The following THSD7B variants were observed in gnomAD, a reference collection of about 807,000 sequenced individuals.
The protein encoded by THSD7B is thrombospondin type-1 domain-containing protein 7B.
THSD7B carries 138 observed loss-of-function variants against 213.6 expected under a neutral mutation model. The ratio of observed to expected loss-of-function variants is 0.65; its 90% confidence interval spans 0.56 to 0.74. The LOEUF (loss-of-function observed/expected upper bound fraction) is 0.74. THSD7B is among the 30% of genes least tolerant of loss of function. THSD7B has a pLI of 0.00. For missense variants in THSD7B, 1,931 were observed against 1,991.5 expected, an observed-to-expected ratio of 0.97 and a Z score of 0.58; for synonymous variants, 742 against 687.0, an observed-to-expected ratio of 1.08 and a Z score of -1.25.
chr2:136,913,580 T>G (rs751684236), intron 2 of THSD7B, among the ~76,000 whole-genome samples: 1 of 152,208 alleles, frequency 6.6e-6, no homozygotes, highest in Non-Finnish European at 1.5e-5. Context: ...AGGATCCCCA[T>G]GCTGCATGCA....
At chr2:137,216,014 T>C (rs1681234493) in intron 7 of THSD7B, among the ~76,000 whole-genome samples, 1 of 152,156 alleles carries the variant, frequency 6.6e-6, no homozygotes, top group Non-Finnish European at 1.5e-5. Context: ...ATAAAAGGCA[T>C]AATAAATAAG....
chr2:136,855,247 A>G (rs1683159221), intron 1 of THSD7B, among the ~76,000 whole-genome samples: 1 of 151,870 alleles, frequency 6.6e-6, no homozygotes, highest in Non-Finnish European at 1.5e-5. Flanking sequence ...ATTTGAGTGT[A>G]TATATATATA....
chr2:137,308,009 C>T lies in THSD7B; in HGVS notation c.2500+31983C>T, dbSNP rs563579475. Among the ~76,000 whole-genome samples, 4 of 152,016 alleles carry T rather than the reference C, an allele frequency of 2.6e-5. No homozygotes were observed. The South Asian group carries it at 6.3e-4, about 24-fold the overall frequency. On this transcript the variant is annotated intron_variant, in intron 12 of 27. Transcript: ENST00000409968. Reference sequence around the variant, plus strand: ...AATAGGGCAACCATTTTCTACCATGCGAGTCCTTTATCAATCTATCCCGAT... The same window carrying T: ...AATAGGGCAACCATTTTCTACCATGTGAGTCCTTTATCAATCTATCCCGAT...
intron 12 of THSD7B, among the ~76,000 whole-genome samples, chr2:137,375,101 G>A (rs964687091): frequency 1.3e-5 from 2 of 152,090 alleles, no homozygotes; most frequent in Admixed American, 6.6e-5. Flanking sequence ...TGAATCATCC[G>A]GGTGGCCAGT....
intron 5 of THSD7B, among the ~76,000 whole-genome samples, chr2:137,115,870 C>T (rs535665011): frequency 4.9e-4 from 75 of 152,184 alleles, no homozygotes; most frequent in African/African-American, 2.6e-4. Flanking sequence ...TATTTAGAGA[C>T]TGGGAAACTT....
chr2:136,774,142 G>C (rs578209213), intron 1 of THSD7B, among the ~76,000 whole-genome samples: 1 of 152,066 alleles, frequency 6.6e-6, no homozygotes, highest in East Asian at 1.9e-4. Flanking sequence ...ATTTTGATTA[G>C]TTTGTTAGTG....
intron 2 of THSD7B, among the ~76,000 whole-genome samples, chr2:137,018,598 A>T (rs1395798515): frequency 1.3e-5 from 2 of 152,204 alleles, no homozygotes; most frequent in African/African-American, 2.4e-5. Context: ...TACAGAGTAT[A>T]AACTTGCAGG....
At chr2:137,496,793 T>C (rs1679578855) in intron 15 of THSD7B, among the ~76,000 whole-genome samples, 1 of 152,208 alleles carries the variant, frequency 6.6e-6, no homozygotes, top group African/African-American at 2.4e-5. Context: ...TTGTGACTTC[T>C]CATTAACTTT....
At chr2:136,937,424 T>C (rs571384879) in intron 2 of THSD7B, among the ~76,000 whole-genome samples, 1 of 152,236 alleles carries the variant, frequency 6.6e-6, no homozygotes, top group African/African-American at 2.4e-5. Context: ...CGAGGTGAAC[T>C]GATGTGTCTT....
intron 2 of THSD7B, among the ~76,000 whole-genome samples, chr2:136,980,326 C>T (rs542352673): frequency 5.9e-4 from 90 of 152,282 alleles, no homozygotes; most frequent in African/African-American, 2.1e-3. Context: ...GGCTAGGACT[C>T]CTCAGAGCCA....
At chr2:137,060,262 G>C (rs1185824619) in intron 3 of THSD7B, among the ~76,000 whole-genome samples, 1 of 151,972 alleles carries the variant, frequency 6.6e-6, no homozygotes, top group African/African-American at 2.4e-5. Context: ...TTGGATACCA[G>C]TCCTTTATCA....
chr2:137,037,148 G>T (rs2104857910), intron 2 of THSD7B, among the ~76,000 whole-genome samples: 1 of 152,120 alleles, frequency 6.6e-6, no homozygotes, highest in Admixed American at 6.6e-5. Flanking sequence ...CAATCTGAGG[G>T]CAGAGATGAT....
At chr2:136,895,720 G>T (rs1422263447) in intron 2 of THSD7B, among the ~76,000 whole-genome samples, 1 of 151,762 alleles carries the variant, frequency 6.6e-6, no homozygotes, top group African/African-American at 2.4e-5. Context: ...TCTAATTTTA[G>T]ATCACTTTAA....
chr2:137,184,766 G>T (rs1377891928), intron 7 of THSD7B, among the ~76,000 whole-genome samples: 1 of 152,062 alleles, frequency 6.6e-6, no homozygotes, highest in Non-Finnish European at 1.5e-5. Context: ...GAGATCCAGA[G>T]GCAAGGCAAA....
chr2:136,874,412 A>G (rs182633293), intron 1 of THSD7B, among the ~76,000 whole-genome samples: 8 of 152,330 alleles, frequency 5.3e-5, no homozygotes, highest in African/African-American at 1.9e-4. Context: ...TTGCAGTCAG[A>G]CAATAGCCCC....
chr2:137,019,751 A>G (rs1420317246), intron 2 of THSD7B, among the ~76,000 whole-genome samples: 1 of 152,170 alleles, frequency 6.6e-6, no homozygotes, highest in African/African-American at 2.4e-5. Context: ...TAGTCTCCTT[A>G]GAGACTAGCT....
At chr2:137,670,133 T>C (rs1007144124) in intron 27 of THSD7B, among the ~76,000 whole-genome samples, 7 of 152,222 alleles carry the variant, frequency 4.6e-5, no homozygotes, top group African/African-American at 1.7e-4. Flanking sequence ...TTGTATCTCA[T>C]AGCCATTTTT....
chr2:137,655,257 T>C (rs755853884), intron 21 of THSD7B, among the ~76,000 whole-genome samples: 3 of 152,198 alleles, frequency 2.0e-5, no homozygotes, highest in Non-Finnish European at 2.9e-5. Flanking sequence ...AGTTCCAAAA[T>C]GAATTGTCAT....
At chr2:137,464,373 G>A (rs925503273) in intron 15 of THSD7B, among the ~76,000 whole-genome samples, 1 of 152,014 alleles carries the variant, frequency 6.6e-6, no homozygotes, top group Non-Finnish European at 1.5e-5. Flanking sequence ...ACACCATTAG[G>A]AAAGTGAGTA....
Sources: allele counts gnomAD v4.1 joint callset (sites outside exome capture counted in the v4.1 genomes callset), GRCh38; gene constraint gnomAD v4.1.1; transcripts MANE v1.5; gene names NCBI Gene and HGNC (gene_info 2026-07-23, HGNC 2026-07-21).